The following FBRSL1 variants were observed in gnomAD, a reference collection of about 807,000 sequenced individuals.
FBRSL1 encodes the protein fibrosin-1-like protein.
FBRSL1 carries 51 observed loss-of-function variants against 89.6 expected under a neutral mutation model. That is an observed-to-expected ratio of 0.57 (90% CI 0.45 to 0.72). The LOEUF (loss-of-function observed/expected upper bound fraction) is 0.72. FBRSL1 is among the 30% of genes least tolerant of loss of function. The pLI is 0.00. For missense variants in FBRSL1, 1,618 were observed against 1,451.8 expected (o/e 1.11, Z -1.86); for synonymous variants, 779 against 681.1 (o/e 1.14, Z -2.24).
At chr12:132,514,115 G>A (rs575102514) in intron 2 of FBRSL1, among the ~76,000 whole-genome samples, 3 of 152,324 alleles carry the variant, frequency 2.0e-5, no homozygotes, top group East Asian at 3.9e-4. Context: ...GATGAGCTCC[G>A]CCTCTGTTCT....
rs764056430 is a variant in FBRSL1, at chr12:132,584,083, AAAG to A, written c.*308_*310del. 44 of 161,738 alleles carry A rather than the reference AAAG, an allele frequency of 2.7e-4. No individual in the cohort carries two copies. Among genetic ancestry groups the A allele is most frequent in the Non-Finnish European group, 5.2e-4 (39 of 74,468 alleles). The allele number at this position is 161,738 out of a possible 1,614,324, so 10.0% of individuals were successfully genotyped here. On this transcript the variant is annotated 3_prime_UTR_variant, in exon 19 of 19. Transcript: ENST00000680143. ...TCTTTAGACGTTTAAAAGAACCAAA[AAAG>A]AAACTTTTGCTTCTTCGTTTTCGGT... is the stretch of plus-strand genomic sequence containing the variant.
chr12:132,514,973 A>C (rs891982792), intron 2 of FBRSL1, among the ~76,000 whole-genome samples: 1 of 152,134 alleles, frequency 6.6e-6, no homozygotes, highest in Non-Finnish European at 1.5e-5. Flanking sequence ...TTTTACATTT[A>C]CAACACTTGA....
chr12:132,567,544 G>T lies in FBRSL1; in HGVS notation c.691+18G>T. 6.4e-7 allele frequency: 1 copy of T among 1,550,666 alleles called. No homozygotes were observed. The highest frequency in any genetic ancestry group is 2.4e-5 in the East Asian group (1 of 40,910). Reference sequence around the variant, plus strand: ...CGATAAAGGTAAGTGGGTCCCCTCGGCCCAGCTCCTGGGCCTCTGAAGAGA... The same window carrying T: ...CGATAAAGGTAAGTGGGTCCCCTCGTCCCAGCTCCTGGGCCTCTGAAGAGA... On this transcript the variant is annotated intron_variant, in intron 6 of 18. Coordinates refer to ENST00000680143, the MANE Select transcript of FBRSL1 (RefSeq NM_001367871.1).
chr12:132,548,117 AC>A, intron 5 of FBRSL1, 85 bp downstream of exon 5: 1 of 1,486,526 alleles, frequency 6.7e-7, no homozygotes, highest in Non-Finnish European at 9.2e-7. Context: ...GGCCCTGGAG[AC>A]CAGGCAGAAG....
chr12:132,547,925 G>A (rs2137322683), intron 4 of FBRSL1, 78 bp from the exon 5 acceptor site: 2 of 1,506,752 alleles, frequency 1.3e-6, no homozygotes, highest in Non-Finnish European at 9.0e-7. Flanking sequence ...TGCCCCTGCA[G>A]CCTGGCTGCT....
chr12:132,501,706 A>T (rs1352000523), intron 1 of FBRSL1, among the ~76,000 whole-genome samples: 1 of 152,184 alleles, frequency 6.6e-6, no homozygotes, highest in African/African-American at 2.4e-5. Context: ...AGGGGCCAGG[A>T]CAGGGGCCTC....
At chr12:132,521,509 A>G (rs557218567) in intron 2 of FBRSL1, among the ~76,000 whole-genome samples, 1 of 152,240 alleles carries the variant, frequency 6.6e-6, no homozygotes, top group Admixed American at 6.5e-5. Context: ...TCTGCATTAG[A>G]ACAGCAGCCC....
chr12:132,496,295 G>A (rs140946031), intron 1 of FBRSL1, among the ~76,000 whole-genome samples: 9 of 152,286 alleles, frequency 5.9e-5, no homozygotes, highest in African/African-American at 1.7e-4. Flanking sequence ...GCCATATCCC[G>A]CCTTTGTGTG....
chr12:132,570,117 C>A lies in FBRSL1; in HGVS notation c.883C>A (p.His295Asn). 6.8e-7 allele frequency: 1 copy of A among 1,477,286 alleles called. No homozygotes were observed. The highest frequency in any genetic ancestry group is 2.4e-5 in the Admixed American group (1 of 40,818). 91.5% of individuals were successfully genotyped at this position (1,477,286 alleles called of 1,614,324 possible). ...GGTGAAGAAGGAACCCCCCGCCCCG[C>A]ACCGCCACACCCCGCAGCCGCCACC... The part of the protein sequence containing the change: ...PLVKKEPPAP[H>N]RHTPQPPPPQ... The change falls in exon 7 of 19, where the codon CAC becomes AAC. Residue 295 changes from histidine to asparagine, a missense_variant. Coordinates refer to ENST00000680143, the MANE Select transcript of FBRSL1 (RefSeq NM_001367871.1).
At position 132,572,338 on chromosome 12, in the gene FBRSL1, CGTGAGT is replaced by C; in HGVS notation, c.1434+3_1434+8del. 1 of 1,551,094 alleles carries C rather than the reference CGTGAGT, an allele frequency of 6.4e-7. No homozygotes were observed. Among genetic ancestry groups the C allele is most frequent in the East Asian group, 2.4e-5 (1 of 40,900 alleles). On this transcript the variant is annotated inframe_deletion and splice_region_variant, in exon 10 of 19. Transcript: ENST00000680143. ...ACAGCCCCTACTTCCGACATTCCAG[CGTGAGT>C]GTGAGTGTCCCCGAGGGGCCCGGCG...
At chr12:132,537,461 C>T (rs2036858863) in intron 4 of FBRSL1, among the ~76,000 whole-genome samples, 3 of 152,158 alleles carry the variant, frequency 2.0e-5, no homozygotes, top group South Asian at 2.1e-4. Context: ...TGTCCCAGGG[C>T]GTCGCAGTGC....
intron 4 of FBRSL1, among the ~76,000 whole-genome samples, chr12:132,547,266 G>C (rs574456377): frequency 6.7e-6 from 1 of 149,696 alleles, no homozygotes; most frequent in Non-Finnish European, 1.5e-5. Flanking sequence ...CGGACAGTCA[G>C]TGTGTTCTTC....
chr12:132,525,081 G>C (rs1484596540), intron 2 of FBRSL1, among the ~76,000 whole-genome samples: 1 of 152,160 alleles, frequency 6.6e-6, no homozygotes, highest in African/African-American at 2.4e-5. Context: ...CGTGGGGGTG[G>C]GGTGAAGGGA....
intron 4 of FBRSL1, among the ~76,000 whole-genome samples, chr12:132,545,873 G>A (rs573903394): frequency 4.6e-5 from 7 of 152,352 alleles, no homozygotes; most frequent in African/African-American, 1.7e-4. Flanking sequence ...GCAGGGAGAG[G>A]CCTCACTGGG....
At chr12:132,580,100 T>C (rs2040642513) in intron 15 of FBRSL1, among the ~76,000 whole-genome samples, 1 of 152,192 alleles carries the variant, frequency 6.6e-6, no homozygotes, top group Non-Finnish European at 1.5e-5. Flanking sequence ...TTTAATTTAT[T>C]TATTTTGAGA....
At chr12:132,574,673 G>A (rs1593574271) in intron 14 of FBRSL1, 109 bp downstream of exon 14, 3 of 1,364,854 alleles carry the variant, frequency 2.2e-6, no homozygotes, top group Non-Finnish European at 2.0e-6. Context: ...GTGCACGGGT[G>A]TGATCCTCAC....
chr12:132,522,859 C>T (rs371484801), intron 2 of FBRSL1, among the ~76,000 whole-genome samples: 1 of 152,212 alleles, frequency 6.6e-6, no homozygotes, highest in Non-Finnish European at 1.5e-5. Context: ...CCTTTCCCCC[C>T]GCACCTGCCG....
rs954405550 is a variant in FBRSL1, at chr12:132,490,476, C to A, written c.-95C>A. On this transcript the variant is annotated 5_prime_UTR_variant, in exon 1 of 19. Transcript: ENST00000680143. ...GGCCCGAGCCCGCGCGGCGCACACTCAGCCCGGCGGCGCCGCGTAGCCGAG... is the reference window on the plus strand; with the variant it reads ...GGCCCGAGCCCGCGCGGCGCACACTAAGCCCGGCGGCGCCGCGTAGCCGAG... The A allele has an allele frequency of 5.9e-5, 52 of 880,720 alleles. No homozygotes were observed. The African/African-American group carries it at 8.9e-4, about 15-fold the overall frequency. 54.6% of individuals were successfully genotyped at this position (880,720 alleles called of 1,614,324 possible).
At chr12:132,544,131 A>C (rs1464657767) in intron 4 of FBRSL1, among the ~76,000 whole-genome samples, 1 of 152,168 alleles carries the variant, frequency 6.6e-6, no homozygotes, top group Non-Finnish European at 1.5e-5. Context: ...TCCCCACCCC[A>C]GGCACCCGGG....
Sources: gnomAD v4.1 joint callset for allele counts (sites outside exome capture counted in the v4.1 genomes callset) on GRCh38, gnomAD v4.1.1 for gene constraint, MANE v1.5 for transcripts, NCBI Gene and HGNC (gene_info 2026-07-23, HGNC 2026-07-21) for gene names.